Variants in NTAN1 observed in about 807,000 individuals in gnomAD.
NTAN1 encodes protein N-terminal asparagine amidohydrolase.
In NTAN1, 32 loss-of-function variants were observed where a neutral mutation model predicts 41.9. The observed-to-expected ratio is 0.76, with a 90% CI of 0.58 to 1.03. NTAN1 has a LOEUF of 1.03. NTAN1 is among the 50% of genes least tolerant of loss of function. The pLI is 0.00. For missense variants in NTAN1, 377 were observed against 377.5 expected (o/e 1.00, Z 0.01); for synonymous variants, 140 against 139.5 (o/e 1.00, Z -0.03).
At chr16:15,044,442 G>A (rs757598305) in intron 4 of NTAN1, 35 bp from the exon 5 acceptor site, 9 of 1,380,780 alleles carry the variant, frequency 6.5e-6, no homozygotes, top group Non-Finnish European at 9.3e-6. Context: ...GAGGCCAGAA[G>A]AAGACACCGG....
chr16:15,051,379 G>A (rs1007013245), intron 1 of NTAN1, among the ~76,000 whole-genome samples: 1 of 152,192 alleles, frequency 6.6e-6, no homozygotes, highest in Non-Finnish European at 1.5e-5. Flanking sequence ...TTTTTAAACA[G>A]GGTCTTACTG....
At chr16:15,045,682 T>A (rs573998683) in intron 4 of NTAN1, 4 of 152,334 alleles carry the variant, frequency 2.6e-5, no homozygotes, top group Middle Eastern at 6.8e-3. Context: ...ACACTGCGCA[T>A]TGCACAGTGA....
At chr16:15,053,063 G>A (rs936358034) in intron 1 of NTAN1, among the ~76,000 whole-genome samples, 8 of 152,088 alleles carry the variant, frequency 5.3e-5, no homozygotes, top group East Asian at 3.9e-4. Context: ...CTGTCTGCTC[G>A]GCACTTGAAA....
intron 6 of NTAN1, 126 bp downstream of exon 6, chr16:15,041,497 G>A: frequency 1.3e-6 from 1 of 767,884 alleles, no homozygotes; most frequent in Non-Finnish European, 2.4e-6. Context: ...ACCACAGGAA[G>A]AGCCGGAACA....
chr16:15,038,305 A>G (rs778909338), intron 9 of NTAN1, 95 bp from the exon 10 acceptor site: 10 of 881,730 alleles, frequency 1.1e-5, no homozygotes, highest in African/African-American at 1.7e-5. Flanking sequence ...GGACACAAAT[A>G]TATATAATAA....
chr16:15,044,501 A>G, intron 4 of NTAN1, 94 bp from the exon 5 acceptor site: 2 of 827,520 alleles, frequency 2.4e-6, no homozygotes, highest in South Asian at 1.4e-5. Flanking sequence ...TTCCATGAAC[A>G]CTTGCTCTAC....
At chr16:15,055,815 G>A (rs1418324821) in intron 1 of NTAN1, 76 bp downstream of exon 1, 6 of 781,084 alleles carry the variant, frequency 7.7e-6, no homozygotes, top group African/African-American at 1.8e-5. Flanking sequence ...AGTCTGTGTC[G>A]CGTGAGGGGG....
intron 9 of NTAN1, 105 bp downstream of exon 9, chr16:15,038,469 C>T (rs987705274): frequency 1.0e-5 from 7 of 693,646 alleles, no homozygotes; most frequent in Admixed American, 5.8e-5. Flanking sequence ...AGTTACTACC[C>T]GCCAAAGGGA....
rs2151679437 is a variant in NTAN1 at position 15,038,391 on chromosome 16, C to A, written c.754-181G>T. ...CTTACTGCTTTACCCACACACATTT[C>A]CATCTAGGACTTGACATATCCCCAT... On this transcript the variant is annotated intron_variant, in intron 9 of 9. Coordinates refer to ENST00000287706, the MANE Select transcript of NTAN1 (RefSeq NM_173474.4). The A allele has an allele frequency of 2.4e-5, 15 of 617,442 alleles. 1 individual carries two copies. In the South Asian group the frequency reaches 3.2e-4, roughly 13 times the overall value. The allele number at this position is 617,442 out of a possible 1,614,324, so 38.2% of individuals were successfully genotyped here. A position where few individuals can be genotyped will look rare whatever the true frequency, so the allele number is the denominator to read the frequency against.
intron 1 of NTAN1, among the ~76,000 whole-genome samples, chr16:15,055,071 G>A (rs1389468510): frequency 6.6e-6 from 1 of 152,122 alleles, no homozygotes; most frequent in Non-Finnish European, 1.5e-5. Context: ...TGATCAGTAC[G>A]TTGCCCAACA....
chr16:15,039,926 CT>C (rs34345533), intron 8 of NTAN1, 42 bp downstream of exon 8: 55,390 of 907,054 alleles, frequency 0.061, no homozygotes, highest in South Asian at 0.076. Flanking sequence ...CATTTGATGC[CT>C]TTTTTTTTTT....
At position 15,056,009 on chromosome 16, in the gene NTAN1, CG is replaced by C. The variant is rs1367536366; in HGVS notation, c.-39del. The stretch of plus-strand genomic sequence containing the variant: ...CGCCCAGGCAGGCCCAGGGAGGCGG[CG>C]GCCCCCCGCTTTGCAGCCCCGGGCC... On this transcript the variant is annotated 5_prime_UTR_variant, in exon 1 of 10. Coordinates refer to ENST00000287706, the MANE Select transcript of NTAN1 (RefSeq NM_173474.4). 12 of 1,120,224 alleles carry C rather than the reference CG, an allele frequency of 1.1e-5. No individual in the cohort carries two copies. In the East Asian group the frequency reaches 3.7e-4, roughly 34 times the overall value. The allele number at this position is 1,120,224 out of a possible 1,614,324, so 69.4% of individuals were successfully genotyped here. A position where few individuals can be genotyped will look rare whatever the true frequency, so the allele number is the denominator to read the frequency against.
intron 5 of NTAN1, among the ~76,000 whole-genome samples, chr16:15,042,110 A>C (rs1475199973): frequency 6.6e-6 from 1 of 151,958 alleles, no homozygotes; most frequent in Non-Finnish European, 1.5e-5. Context: ...TAATCCTAAC[A>C]CTGTTAATAA....
intron 4 of NTAN1, chr16:15,045,262 A>C (rs944134247): frequency 6.6e-5 from 10 of 152,194 alleles, no homozygotes; most frequent in Non-Finnish European, 1.3e-4. Flanking sequence ...GCGCCACTGC[A>C]CTCCAGCTCT....
rs181041446 is a variant in NTAN1 at position 15,038,850 on chromosome 16, G to C, written c.640-163C>G. Among the ~76,000 whole-genome samples, 887 of 152,306 alleles carry C rather than the reference G, an allele frequency of 5.8e-3. 35 individuals are homozygous for C. The highest frequency in any genetic ancestry group is 0.054 in the Admixed American group (827 of 15,304). On this transcript the variant is annotated intron_variant, in intron 8 of 9. Transcript: ENST00000287706. The stretch of plus-strand genomic sequence containing the variant: ...AGCTGCCAGCTACTGAACACGTCCA[G>C]TGTGTCTGCTTCTGCACACTGTGGG...
At chr16:15,041,218 C>T in intron 6 of NTAN1, 97 bp from the exon 7 acceptor site, 1 of 792,468 alleles carries the variant, frequency 1.3e-6, no homozygotes. Context: ...CTCCTCGATG[C>T]AGAAAGGGAG....
intron 6 of NTAN1, 76 bp from the exon 7 acceptor site, chr16:15,041,197 C>T (rs368945582): frequency 7.1e-5 from 70 of 980,430 alleles, no homozygotes; most frequent in Non-Finnish European, 9.8e-5. Context: ...ATAATAAAGG[C>T]GAAGGAGGAG....
Position 15,038,580 on chromosome 16 carries a change from T to C in NTAN1, c.747A>G (p.Ile249Met), listed in dbSNP as rs1411081493. Residue 249 changes from isoleucine (I) to methionine (M), a missense_variant, in exon 9 of 10, where the codon ATA becomes ATG. Coordinates refer to ENST00000287706, the MANE Select transcript of NTAN1 (RefSeq NM_173474.4). ...DFWLHQDDKQ[I>M]LENLSTSPLA... The stretch of plus-strand genomic sequence containing the variant: ...CCAGCCTGTAAACTCTCACCTCTAG[T>C]ATTTGCTTGTCATCTTGGTGCAACC... 1 of 1,542,802 alleles carries C rather than the reference T, an allele frequency of 6.5e-7. No homozygotes were observed. The highest frequency in any genetic ancestry group is 2.2e-5 in the East Asian group (1 of 44,530).
At chr16:15,050,153 G>T (rs2044240558) in intron 1 of NTAN1, among the ~76,000 whole-genome samples, 1 of 152,166 alleles carries the variant, frequency 6.6e-6, no homozygotes, top group East Asian at 1.9e-4. Flanking sequence ...CTGAGTGTTT[G>T]TACACACTTA....
Sources: gnomAD v4.1 joint callset for allele counts (sites outside exome capture counted in the v4.1 genomes callset) on GRCh38, gnomAD v4.1.1 for gene constraint, MANE v1.5 for transcripts, NCBI Gene and HGNC (gene_info 2026-07-23, HGNC 2026-07-21) for gene names.